Variants in PHYH observed in about 807,000 individuals in gnomAD.
PHYH encodes phytanoyl-CoA 2-hydroxylase.
PHYH carries 32 observed loss-of-function variants against 38.5 expected under a neutral mutation model. The ratio of observed to expected loss-of-function variants is 0.83; its 90% CI spans 0.63 to 1.12. The LOEUF (loss-of-function observed/expected upper bound fraction) is 1.12, where lower values mean the gene tolerates loss of function less well. PHYH is among the 50% of genes most tolerant of loss of function. The pLI, the probability that PHYH is intolerant of heterozygous loss-of-function variation, is 0.00. For missense variants in PHYH, 426 were observed against 434.8 expected, an observed-to-expected ratio of 0.98 and a Z score of 0.18; for synonymous variants, 166 against 157.9, an observed-to-expected ratio of 1.05 and a Z score of -0.38.
intron 2 of PHYH, among the ~76,000 whole-genome samples, chr10:13,297,923 C>A (rs1332068300): frequency 6.6e-6 from 1 of 151,118 alleles, no homozygotes; most frequent in Non-Finnish European, 1.5e-5. Flanking sequence ...AGGAAGGGCC[C>A]GTCTCTATTA....
Position 13,283,816 on chromosome 10 carries a change from G to T in PHYH, c.702C>A (p.His234Gln). 2 of 1,613,888 alleles carry T rather than the reference G, an allele frequency of 1.2e-6. No individual in the cohort carries two copies. The highest frequency in any genetic ancestry group is 1.7e-6 in the Non-Finnish European group (2 of 1,179,846). ...TGTTTTCCTCGTAGTCCTGGATCCC[G>T]TGGAACATTTTGTTAACTCCCCCCT... ...KWEGGVNKMF[H>Q]GIQDYEENKA... The change falls in exon 7 of 9, where the codon CAC becomes CAA. Residue 234 changes from histidine to glutamine, a missense_variant. Physicochemically the swap from His to Gln is conservative, Grantham distance 24. Coordinates refer to ENST00000263038, the MANE Select transcript of PHYH (RefSeq NM_006214.4).
intron 8 of PHYH, 58 bp downstream of exon 8, chr10:13,280,918 A>G: frequency 6.7e-7 from 1 of 1,491,490 alleles, no homozygotes; most frequent in Non-Finnish European, 9.4e-7. Context: ...AGAATTATGA[A>G]GCATCTGAAG....
At position 13,282,209 on chromosome 10, in the gene PHYH, C is replaced by G. The variant is rs825624; in HGVS notation, c.829-1099G>C. 9.5e-3 allele frequency among the ~76,000 whole-genome samples: 1,440 copies of G among 152,212 alleles called. 33 individuals carry two copies. Among genetic ancestry groups the G allele is most frequent in the African/African-American group, 0.033 (1,383 of 41,540 alleles). On this transcript the variant is annotated intron_variant, in intron 7 of 8. Coordinates refer to ENST00000263038, the MANE Select transcript of PHYH (RefSeq NM_006214.4). ...CAAGATGCAGTGAGCTATGATTGCA[C>G]CACTGCACTCCAGCCTGGGCAAAAG...
intron 6 of PHYH, among the ~76,000 whole-genome samples, chr10:13,287,005 C>T (rs574253384): frequency 2.0e-5 from 3 of 152,014 alleles, no homozygotes; most frequent in Non-Finnish European, 4.4e-5. Flanking sequence ...ACAATTATAC[C>T]TCAATGAAAC....
At chr10:13,290,643 C>CT (rs1291024802) in intron 5 of PHYH, among the ~76,000 whole-genome samples, 4 of 152,126 alleles carry the variant, frequency 2.6e-5, no homozygotes, top group Non-Finnish European at 4.4e-5. Context: ...TCCAGCGATC[C>CT]TCCCCCCGCA....
intron 6 of PHYH, among the ~76,000 whole-genome samples, chr10:13,287,070 G>T (rs1429743590): frequency 6.6e-6 from 1 of 152,130 alleles, no homozygotes; most frequent in Non-Finnish European, 1.5e-5. Flanking sequence ...GCCAGGTGTG[G>T]TGGCTCACGC....
chr10:13,298,902 A>C, intron 1 of PHYH, among the ~76,000 whole-genome samples: 1 of 127,914 alleles, frequency 7.8e-6, no homozygotes, highest in African/African-American at 2.8e-5. Flanking sequence ...GCCTGACCAC[A>C]GAGCAAGACT....
At position 13,288,471 on chromosome 10, in the gene PHYH, G is replaced by A. The variant is rs563392018; in HGVS notation, c.567C>T (p.Ile189=). 3 of 1,614,096 alleles carry A rather than the reference G, an allele frequency of 1.9e-6. No individual in the cohort carries two copies. Among genetic ancestry groups the A allele is most frequent in the African/African-American group, 1.3e-5 (1 of 74,936 alleles). The change falls in exon 6 of 9, where the codon ATC becomes ATT. Residue 189 remains isoleucine, a synonymous_variant. Transcript: ENST00000263038. ...HYFPFRPSDL[I]VCAWTAMEHI... The stretch of plus-strand genomic sequence containing the variant: ...GCTCCATCGCCGTCCAGGCGCAAAC[G>A]ATGAGATCGCTGGGCCTGAAGGGGA...
At position 13,295,545 on chromosome 10, in the gene PHYH, A is replaced by G; in HGVS notation, c.196T>C (p.Phe66Leu). 1 of 1,567,166 alleles carries G rather than the reference A, an allele frequency of 6.4e-7. No individual in the cohort carries two copies. Among genetic ancestry groups the G allele is most frequent in the Non-Finnish European group, 8.8e-7 (1 of 1,137,198 alleles). Residue 66 changes from phenylalanine to leucine, a missense_variant, in exon 3 of 9, where the codon TTT becomes CTT. Coordinates refer to ENST00000263038, the MANE Select transcript of PHYH (RefSeq NM_006214.4). ...EQRKFYEENGFLVIKNLVPDA... is the reference protein window; with the variant it reads ...EQRKFYEENGLLVIKNLVPDA... The stretch of plus-strand genomic sequence containing the variant: ...GGTACAAGATTTTTGATTACTAGAA[A>G]CCCATTTTCTTCATAAAATTTTCTC...
chr10:13,292,855 C>A (rs570024674), intron 4 of PHYH, among the ~76,000 whole-genome samples: 5 of 149,708 alleles, frequency 3.3e-5, no homozygotes, highest in African/African-American at 1.2e-4. Context: ...ATCACTTGAA[C>A]CCAGGAGGCA....
At chr10:13,298,318 G>A (rs1176775100) in intron 1 of PHYH, 73 bp from the exon 2 acceptor site, 20 of 917,332 alleles carry the variant, frequency 2.2e-5, no homozygotes, top group Non-Finnish European at 3.6e-5. Context: ...TGTAATTCCA[G>A]CACTTTGGGA....
chr10:13,283,131 A>ATTTTTTTTT (rs398012850), intron 7 of PHYH, among the ~76,000 whole-genome samples: 6,161 of 117,584 alleles, frequency 0.052, 411 homozygotes, highest in Non-Finnish European at 0.064. Flanking sequence ...TTCATAATCA[A>ATTTTTTTTT]TTTTTTTTTT....
At chr10:13,297,620 A>T (rs985449498) in intron 2 of PHYH, among the ~76,000 whole-genome samples, 12 of 151,670 alleles carry the variant, frequency 7.9e-5, no homozygotes, top group African/African-American at 2.9e-4. Context: ...TGCCCAGCTA[A>T]TTTTTGTATT....
At chr10:13,299,742 T>C (rs1008149093) in intron 1 of PHYH, 5 of 1,306,510 alleles carry the variant, frequency 3.8e-6, no homozygotes, top group Non-Finnish European at 4.8e-6. Context: ...ACGCGGCAAT[T>C]GCCCCGACCC....
chr10:13,297,620 A>C (rs985449498), intron 2 of PHYH, among the ~76,000 whole-genome samples: 2 of 151,670 alleles, frequency 1.3e-5, no homozygotes, highest in African/African-American at 2.4e-5. Context: ...TGCCCAGCTA[A>C]TTTTTGTATT....
chr10:13,278,727 G>C (rs1320964611), intron 8 of PHYH, among the ~76,000 whole-genome samples: 1 of 151,874 alleles, frequency 6.6e-6, no homozygotes, highest in East Asian at 1.9e-4. Context: ...ACAGGGTTTC[G>C]CTACACTGGC....
intron 4 of PHYH, among the ~76,000 whole-genome samples, chr10:13,294,098 A>T (rs566369144): frequency 1.3e-5 from 2 of 152,244 alleles, no homozygotes; most frequent in African/African-American, 4.8e-5. Flanking sequence ...GCTACTTGGG[A>T]GGCTGGGGCA....
chr10:13,295,375 C>T (rs1835820084), intron 3 of PHYH, 121 bp downstream of exon 3: 2 of 694,450 alleles, frequency 2.9e-6, no homozygotes, highest in African/African-American at 3.5e-5. Context: ...TGCTTCTAAA[C>T]ACTTCCCAAC....
rs554340175 is a variant in PHYH, at chr10:13,279,707, T to A, written c.963+1269A>T. Among the ~76,000 whole-genome samples the A allele has an allele frequency of 2.2e-4, 33 of 152,344 alleles. No individual in the cohort carries two copies. In the South Asian group the frequency reaches 6.8e-3, roughly 32 times the overall value. ...GAGGTTAATATTGTTATTCTAAATA[T>A]AACTTACAGAGTAATTAAACTAAAT... On this transcript the variant is annotated intron_variant, in intron 8 of 8. Transcript: ENST00000263038.
Sources: gnomAD v4.1 joint callset for allele counts (sites outside exome capture counted in the v4.1 genomes callset) on GRCh38, gnomAD v4.1.1 for gene constraint, MANE v1.5 for transcripts, NCBI Gene and HGNC (gene_info 2026-07-23, HGNC 2026-07-21) for gene names.